DISP1: variants seen among roughly 807,000 people sequenced by gnomAD.
DISP1 encodes protein dispatched homolog 1.
Under a neutral mutation model 37.3 loss-of-function variants are expected in DISP1, and 30 were observed. The ratio of observed to expected loss-of-function variants is 0.80; its 90% confidence interval spans 0.60 to 1.09. The LOEUF is 1.09. Ranked by LOEUF, DISP1 falls within the 50% of genes least tolerant of loss-of-function variation. The pLI is 0.00. For missense variants in DISP1, 1,598 were observed against 1,879.5 expected (o/e 0.85, Z 2.77); for synonymous variants, 634 against 690.2 (o/e 0.92, Z 1.28).
At position 223,004,467 on chromosome 1, in the gene DISP1, G is replaced by A; in HGVS notation, c.3070G>A (p.Val1024Ile). ...ISIAGTIFVT[V>I]GSLVLLGWEL... ...AATTGCTGGAACGATATTTGTCACTGTTGGTTCTCTTGTCCTGCTGGGCTG... is the reference window on the plus strand; with the variant it reads ...AATTGCTGGAACGATATTTGTCACTATTGGTTCTCTTGTCCTGCTGGGCTG... Residue 1024 changes from valine (V) to isoleucine (I), a missense_variant, in exon 9 of 9, where the codon GTT (valine) becomes ATT (isoleucine). Val to Ile is a conservative substitution (Grantham distance 29). Coordinates refer to ENST00000675850, the MANE Select transcript of DISP1 (RefSeq NM_001377229.1). The surrounding 1 kb of genome is among the most constrained non-coding windows in gnomAD (Gnocchi z 4.9). The A allele has an allele frequency of 1.2e-6, 2 of 1,614,238 alleles. No individual in the cohort carries two copies. The highest frequency in any genetic ancestry group is 1.7e-6 in the Non-Finnish European group (2 of 1,180,054).
At chr1:222,935,242 C>T (rs1163787116) in intron 2 of DISP1, among the ~76,000 whole-genome samples, 1 of 152,132 alleles carries the variant, frequency 6.6e-6, no homozygotes, top group East Asian at 1.9e-4. Context: ...TGAAACTGCT[C>T]TAGGGAGCAT....
chr1:222,885,624 A>T (rs997066320), intron 1 of DISP1, among the ~76,000 whole-genome samples: 1 of 151,970 alleles, frequency 6.6e-6, no homozygotes, highest in African/African-American at 2.4e-5. Context: ...ACAGCTGCTT[A>T]CCACAATACT....
chr1:222,915,103 G>A (rs750234737), intron 1 of DISP1, among the ~76,000 whole-genome samples: 2 of 152,220 alleles, frequency 1.3e-5, no homozygotes, highest in Non-Finnish European at 2.9e-5. Flanking sequence ...CTGAGTCGCT[G>A]TTGTCAGTGT....
Position 223,003,144 on chromosome 1 carries a change from T to A in DISP1, c.1747T>A (p.Tyr583Asn). 1 of 1,614,250 alleles carries A rather than the reference T, an allele frequency of 6.2e-7. No homozygotes were observed. The highest frequency in any genetic ancestry group is 1.3e-5 in the African/African-American group (1 of 75,066). Reference protein sequence around the residue: ...DAFVLCDVWNYTKFDKPHAET... With the variant: ...DAFVLCDVWNNTKFDKPHAET... ...TTTTGTCCTGTGTGATGTTTGGAAC[T>A]ACACAAAATTTGATAAGCCTCATGC... The change falls in exon 9 of 9, where the codon TAC becomes AAC. Residue 583 changes from tyrosine to asparagine, a missense_variant. Coordinates refer to ENST00000675850, the MANE Select transcript of DISP1 (RefSeq NM_001377229.1). This position sits in a 1 kb window ranked among gnomAD's most constrained non-coding sequence, Gnocchi z 4.3.
intron 1 of DISP1, among the ~76,000 whole-genome samples, chr1:222,875,588 G>A (rs1371236038): frequency 6.7e-6 from 1 of 149,962 alleles, no homozygotes; most frequent in African/African-American, 2.5e-5. Context: ...GGAGGCTGAG[G>A]TGGGCAGATC....
At chr1:222,898,214 A>G (rs535854555) in intron 1 of DISP1, among the ~76,000 whole-genome samples, 4 of 152,214 alleles carry the variant, frequency 2.6e-5, no homozygotes, top group Non-Finnish European at 5.9e-5. Context: ...AAAAGCCTGC[A>G]CTAGCAGATG....
At chr1:222,934,663 A>C (rs1673606857) in intron 2 of DISP1, among the ~76,000 whole-genome samples, 6 of 152,156 alleles carry the variant, frequency 3.9e-5, no homozygotes, top group Admixed American at 3.9e-4. Flanking sequence ...GATGTGAAGA[A>C]AGATACCTGA....
chr1:222,966,999 A>G (rs1676543804), intron 3 of DISP1, among the ~76,000 whole-genome samples: 1 of 152,102 alleles, frequency 6.6e-6, no homozygotes, highest in South Asian at 2.1e-4. Context: ...TTGGAGGAAA[A>G]GGGAGATGAT....
At chr1:222,940,578 C>T (rs1052174489) in intron 2 of DISP1, among the ~76,000 whole-genome samples, 5 of 152,194 alleles carry the variant, frequency 3.3e-5, no homozygotes, top group Admixed American at 2.6e-4. Flanking sequence ...ACTTACCCAG[C>T]ATCTGTGATT....
At chr1:222,959,274 T>C (rs1424164398) in intron 3 of DISP1, among the ~76,000 whole-genome samples, 1 of 152,224 alleles carries the variant, frequency 6.6e-6, no homozygotes, top group African/African-American at 2.4e-5. Flanking sequence ...AATGATTTTA[T>C]TGAACCCTTA....
chr1:222,916,314 A>G (rs1275967814), intron 1 of DISP1, among the ~76,000 whole-genome samples: 1 of 152,062 alleles, frequency 6.6e-6, no homozygotes, highest in Non-Finnish European at 1.5e-5. Context: ...ACACTTCACA[A>G]TACGAACTGG....
chr1:222,999,218 A>C (rs930974461), intron 8 of DISP1, among the ~76,000 whole-genome samples: 3 of 152,184 alleles, frequency 2.0e-5, no homozygotes, highest in African/African-American at 7.2e-5. Flanking sequence ...ACATAAGCAC[A>C]ATGATTCCCC....
chr1:222,886,363 G>A (rs1157919285), intron 1 of DISP1, among the ~76,000 whole-genome samples: 3 of 152,190 alleles, frequency 2.0e-5, no homozygotes, highest in African/African-American at 7.2e-5. Context: ...ATGCTGTCGG[G>A]TTCAGACGTT....
chr1:222,921,071 A>G lies in DISP1; in HGVS notation c.-158-7359A>G, dbSNP rs147980264. ...ACGCCTGTAATCCCAGCACTTTGGG[A>G]GGCCAAGGCGGGCAGATCTCCTGAG... On this transcript the variant is annotated intron_variant, in intron 1 of 8. Coordinates refer to ENST00000675850, the MANE Select transcript of DISP1 (RefSeq NM_001377229.1). 2.4e-4 allele frequency among the ~76,000 whole-genome samples: 37 copies of G among 152,312 alleles called. No homozygotes were observed. The East Asian group carries it at 6.9e-3, about 29-fold the overall frequency.
At chr1:222,875,720 G>A (rs1359073299) in intron 1 of DISP1, among the ~76,000 whole-genome samples, 6 of 150,282 alleles carry the variant, frequency 4.0e-5, no homozygotes, top group Non-Finnish European at 7.4e-5. Flanking sequence ...CCAGCTACTT[G>A]GGAGGCTGAG....
Position 223,004,938 on chromosome 1 carries a change from A to G in DISP1, c.3541A>G (p.Arg1181Gly). Reference sequence around the variant, plus strand: ...CATAAATGCTTATCATTTAGATCCCAGGGGCCCAAAATCTGAACTGGAGCA... The same window carrying G: ...CATAAATGCTTATCATTTAGATCCCGGGGGCCCAAAATCTGAACTGGAGCA... ...HTINAYHLDP[R>G]GPKSELEHEF... Residue 1181 changes from arginine (R) to glycine (G), a missense_variant, in exon 9 of 9, where the codon AGG (arginine) becomes GGG (glycine). By Grantham distance (125) the Arg-to-Gly change is moderately radical (BLOSUM62 -2). Coordinates refer to ENST00000675850, the MANE Select transcript of DISP1 (RefSeq NM_001377229.1). The surrounding 1 kb of genome is among the most constrained non-coding windows in gnomAD (Gnocchi z 4.9). 1 of 1,613,170 alleles carries G rather than the reference A, an allele frequency of 6.2e-7. No homozygotes were observed. The highest frequency in any genetic ancestry group is 8.5e-7 in the Non-Finnish European group (1 of 1,180,016).
At chr1:222,975,122 C>T (rs1677217967) in intron 3 of DISP1, among the ~76,000 whole-genome samples, 1 of 152,112 alleles carries the variant, frequency 6.6e-6, no homozygotes, top group Non-Finnish European at 1.5e-5. Context: ...ACCTCCTGGG[C>T]TCAAGCAATC....
intron 3 of DISP1, among the ~76,000 whole-genome samples, chr1:222,971,636 C>A (rs546894474): frequency 2.0e-5 from 3 of 151,926 alleles, no homozygotes; most frequent in Admixed American, 6.6e-5. Context: ...AAAGAGAATC[C>A]GCACATTGAT....
chr1:222,965,811 A>C (rs1396701586), intron 3 of DISP1, among the ~76,000 whole-genome samples: 1 of 152,058 alleles, frequency 6.6e-6, no homozygotes, highest in Non-Finnish European at 1.5e-5. Flanking sequence ...ATTAGCCTTC[A>C]GGACAGCTTT....
Sources: allele counts gnomAD v4.1 joint callset (sites outside exome capture counted in the v4.1 genomes callset), GRCh38; gene constraint gnomAD v4.1.1; non-coding constraint Gnocchi (gnomAD v3.1); transcripts MANE v1.5; gene names NCBI Gene and HGNC (gene_info 2026-07-23, HGNC 2026-07-21).